The following ZBBX variants were observed in gnomAD, a reference collection of about 807,000 sequenced individuals.
ZBBX encodes zinc finger B-box domain containing.
A neutral mutation model predicts 108.5 loss-of-function variants in ZBBX; 101 were observed. That is an observed-to-expected ratio of 0.93 (90% CI 0.79 to 1.10). The LOEUF (loss-of-function observed/expected upper bound fraction) is 1.10. Among genes scored for constraint, ZBBX ranks in the 50% least tolerant of loss-of-function variants. ZBBX has a pLI of 0.00. For missense variants in ZBBX, 1,009 were observed against 941.4 expected, an observed-to-expected ratio of 1.07 and a Z score of -0.94; for synonymous variants, 356 against 323.4, an observed-to-expected ratio of 1.10 and a Z score of -1.08.
Position 167,333,987 on chromosome 3 carries a change from T to C in ZBBX, c.529-2A>G, listed in dbSNP as rs755049435. The C allele has an allele frequency of 6.6e-7, 1 of 1,516,046 alleles. No individual in the cohort carries two copies. Among genetic ancestry groups the C allele is most frequent in the South Asian group, 1.4e-5 (1 of 72,778 alleles). 93.9% of individuals were successfully genotyped at this position (1,516,046 alleles called of 1,614,324 possible). A position where few individuals can be genotyped will look rare whatever the true frequency, so the allele number is the denominator to read the frequency against. On this transcript the variant is annotated splice_acceptor_variant, in intron 9 of 21. Transcript: ENST00000675490. LOFTEE classifies it high-confidence loss of function. The stretch of plus-strand genomic sequence containing the variant: ...ATTGAATAATATTTGAGATTTTGCC[T>C]ATTAAAAAAGTAACAATATAATTAA...
intron 20 of ZBBX, among the ~76,000 whole-genome samples, chr3:167,277,545 C>A (rs2108503702): frequency 6.6e-6 from 1 of 152,196 alleles, no homozygotes; most frequent in Non-Finnish European, 1.5e-5. Context: ...ACAAGAAGAG[C>A]TAACTATCCT....
Position 167,365,933 on chromosome 3 carries a change from C to G in ZBBX, c.226G>C (p.Val76Leu), listed in dbSNP as rs201855747. Reference sequence around the variant, plus strand: ...TGTGACATCATATATGATTGATTGACCAATTTGCCCACTTTTCCAGATTTC... The same window carrying G: ...TGTGACATCATATATGATTGATTGAGCAATTTGCCCACTTTTCCAGATTTC... ...YWKSGKVGKL[V>L]NQSYMMSQNK... Residue 76 changes from valine to leucine, a missense_variant, in exon 6 of 22, where the codon GTC becomes CTC. Physicochemically the swap from Val to Leu is conservative, Grantham distance 32. Transcript: ENST00000675490. The G allele has an allele frequency of 5.7e-5, 92 of 1,609,200 alleles. No homozygotes were observed. The Admixed American group carries it at 8.9e-4, about 15-fold the overall frequency.
At position 167,288,940 on chromosome 3, in the gene ZBBX, A is replaced by G. The variant is rs1263063174; in HGVS notation, c.1923T>C (p.Ala641=). The G allele has an allele frequency of 1.9e-6, 3 of 1,544,892 alleles. No homozygotes were observed. Among genetic ancestry groups the G allele is most frequent in the Non-Finnish European group, 8.7e-7 (1 of 1,143,112 alleles). The stretch of plus-strand genomic sequence containing the variant: ...GAACACCCAAGACAATTGCATTATC[A>G]GCATATTCACTTAAGCTATGGTCTG... The part of the protein sequence containing the change: ...WIPDHSLSEY[A]DNAIVLGVLQ... Residue 641 remains alanine (A), a synonymous_variant, in exon 19 of 22, where the codon GCT becomes GCC. Transcript: ENST00000675490.
At chr3:167,407,420 T>C (rs945922755) in intron 1 of ZBBX, among the ~76,000 whole-genome samples, 5 of 152,114 alleles carry the variant, frequency 3.3e-5, no homozygotes, top group African/African-American at 1.2e-4. Flanking sequence ...GTAAGTACAG[T>C]TGGCCCTTGA....
At position 167,368,909 on chromosome 3, in the gene ZBBX, A is replaced by G. The variant is rs951424552; in HGVS notation, c.69-335T>C. On this transcript the variant is annotated intron_variant, in intron 4 of 21. Coordinates refer to ENST00000675490, the MANE Select transcript of ZBBX (RefSeq NM_001199201.2). ...GAAAACGAAATAAAAATATTGTCCA[A>G]TTTTCATATTGTTTTGCCTCCAATG... is the stretch of plus-strand genomic sequence containing the variant. 3 of 215,748 alleles carry G rather than the reference A, an allele frequency of 1.4e-5. No homozygotes were observed. The Admixed American group carries it at 1.9e-4, about 13-fold the overall frequency. 13.4% of individuals were successfully genotyped at this position (215,748 alleles called of 1,614,324 possible). A position where few individuals can be genotyped will look rare whatever the true frequency, so the allele number is the denominator to read the frequency against.
At chr3:167,325,481 G>C (rs752725570) in intron 11 of ZBBX, among the ~76,000 whole-genome samples, 1 of 152,070 alleles carries the variant, frequency 6.6e-6, no homozygotes, top group Non-Finnish European at 1.5e-5. Context: ...CTCTCGCCGG[G>C]GCCCTCCCAC....
rs572868565 is a variant in ZBBX at position 167,368,589 on chromosome 3, T to C, written c.69-15A>G. The C allele has an allele frequency of 1.9e-6, 3 of 1,556,764 alleles. No homozygotes were observed. Among genetic ancestry groups the C allele is most frequent in the South Asian group, 1.3e-5 (1 of 79,986 alleles). On this transcript the variant is annotated splice_polypyrimidine_tract_variant and intron_variant, in intron 4 of 21. Transcript: ENST00000675490. ...CTTGAGCATTTCTGAAGACATAAGA[T>C]TTAAATGGAGAAAGCAGAAAAACAA...
chr3:167,244,327 C>T (rs1053601186), intron 20 of ZBBX, among the ~76,000 whole-genome samples: 2 of 152,142 alleles, frequency 1.3e-5, no homozygotes, highest in Non-Finnish European at 2.9e-5. Flanking sequence ...AAAGGGAATG[C>T]TCCCACAAGA....
chr3:167,229,532 G>T, the ZBBX span, among the ~76,000 whole-genome samples: 1 of 151,748 alleles, frequency 6.6e-6, no homozygotes, highest in Non-Finnish European at 1.5e-5. Context: ...TATAAATAAA[G>T]TATCTCACAG....
chr3:167,407,267 T>C (rs1410565209), intron 1 of ZBBX, among the ~76,000 whole-genome samples: 2 of 152,182 alleles, frequency 1.3e-5, no homozygotes, highest in Non-Finnish European at 2.9e-5. Flanking sequence ...CAAGTGTAAA[T>C]ACATTAACTT....
the ZBBX span, among the ~76,000 whole-genome samples, chr3:167,209,398 C>G: frequency 2.6e-5 from 4 of 152,126 alleles, no homozygotes; most frequent in Admixed American, 6.6e-5. Context: ...CAGAGAGACT[C>G]CATTTCTTTG....
intron 18 of ZBBX, among the ~76,000 whole-genome samples, chr3:167,297,834 G>A (rs1731935546): frequency 6.6e-6 from 1 of 151,684 alleles, no homozygotes; most frequent in African/African-American, 2.4e-5. Flanking sequence ...CTACAATATT[G>A]TACCACCTCA....
At chr3:167,231,315 A>T in the ZBBX span, among the ~76,000 whole-genome samples, 1 of 151,834 alleles carries the variant, frequency 6.6e-6, no homozygotes, top group Non-Finnish European at 1.5e-5. Context: ...GAAATTTCAG[A>T]CAACACTGAA....
intron 1 of ZBBX, among the ~76,000 whole-genome samples, chr3:167,402,306 C>T (rs943388910): frequency 3.3e-5 from 5 of 152,120 alleles, no homozygotes; most frequent in Non-Finnish European, 5.9e-5. Context: ...AAATAAAATC[C>T]TGATAAGCTC....
chr3:167,371,010 A>G (rs1746080165), intron 4 of ZBBX, among the ~76,000 whole-genome samples: 1 of 152,198 alleles, frequency 6.6e-6, no homozygotes, highest in African/African-American at 2.4e-5. Flanking sequence ...GGACTGGAAG[A>G]ACACCAGAAT....
At position 167,400,951 on chromosome 3, in the gene ZBBX, G is replaced by C. The variant is rs181044434; in HGVS notation, c.-446+6775C>G. Among the ~76,000 whole-genome samples the C allele has an allele frequency of 1.1e-3, 164 of 152,194 alleles. 1 individual carries two copies. In the East Asian group the frequency reaches 0.019, roughly 18 times the overall value. ...GTGACTTCGAATAGAATGGGAGGGA[G>C]GTTTGCCCTAAGCAGTTCCCAGCTT... On this transcript the variant is annotated intron_variant, in intron 1 of 21. Coordinates refer to the ZBBX transcript ENST00000455345.
chr3:167,264,026 C>T (rs774003793), intron 20 of ZBBX, among the ~76,000 whole-genome samples: 3 of 152,196 alleles, frequency 2.0e-5, no homozygotes, highest in Admixed American at 2.0e-4. Context: ...AGTATAGCTA[C>T]TCCTGCTCTT....
At position 167,328,120 on chromosome 3, in the gene ZBBX, A is replaced by G; in HGVS notation, c.688-4T>C. ...TTTTCATCGTTGTAATTTCTACCTA[A>G]TTAAAAGGATACATAGGCATGCTTT... is the stretch of plus-strand genomic sequence containing the variant. On this transcript the variant is annotated splice_region_variant and splice_polypyrimidine_tract_variant and intron_variant, in intron 10 of 21. Coordinates refer to ENST00000675490, the MANE Select transcript of ZBBX (RefSeq NM_001199201.2). The G allele has an allele frequency of 6.2e-7, 1 of 1,607,278 alleles. No homozygotes were observed. The highest frequency in any genetic ancestry group is 1.3e-5 in the African/African-American group (1 of 74,536).
At chr3:167,229,074 G>A in the ZBBX span, among the ~76,000 whole-genome samples, 1 of 151,802 alleles carries the variant, frequency 6.6e-6, no homozygotes, top group South Asian at 2.1e-4. Context: ...CAAGTGGATT[G>A]TGCATGAATT....
Sources: gnomAD v4.1 joint callset for allele counts (sites outside exome capture counted in the v4.1 genomes callset) on GRCh38, gnomAD v4.1.1 for gene constraint, MANE v1.5 for transcripts, NCBI Gene and HGNC (gene_info 2026-07-23, HGNC 2026-07-21) for gene names.